PCDHGB1: variants seen among roughly 807,000 people sequenced by gnomAD.
PCDHGB1 encodes protocadherin gamma subfamily B, 1.
PCDHGB1 carries 34 observed loss-of-function variants against 56.6 expected under a neutral mutation model. The ratio of observed to expected loss-of-function variants is 0.60; its 90% confidence interval spans 0.46 to 0.80. The LOEUF (loss-of-function observed/expected upper bound fraction) is 0.80. PCDHGB1 is among the 30% of genes least tolerant of loss of function. The probability of loss-of-function intolerance (pLI) is 0.00; values close to 1 mark genes in which losing one functional copy is unlikely to be tolerated. For missense variants in PCDHGB1, 1,278 were observed against 1,204.6 expected (o/e 1.06, Z -0.90); for synonymous variants, 561 against 505.9 (o/e 1.11, Z -1.46).
chr5:141,388,407 A>G (rs2091351140), intron 1 of PCDHGB1: 6 of 1,613,878 alleles, frequency 3.7e-6, no homozygotes, highest in Middle Eastern at 3.3e-4. Flanking sequence ...ACTCAGTCCC[A>G]GTGATCATTT....
At chr5:141,361,575 C>T (rs1407406869) in intron 1 of PCDHGB1, 3 of 1,614,062 alleles carry the variant, frequency 1.9e-6, no homozygotes, top group Non-Finnish European at 8.5e-7. Context: ...CTGACCCTGA[C>T]TTGGGCCCCA....
rs552812176 is a variant in PCDHGB1, at chr5:141,497,407, A to G, written c.2468+2542A>G. Among the ~76,000 whole-genome samples, 43 of 152,204 alleles carry G rather than the reference A, an allele frequency of 2.8e-4. No individual in the cohort carries two copies. In the Middle Eastern group the frequency reaches 0.01, roughly 36 times the overall value. The stretch of plus-strand genomic sequence containing the variant: ...GCACCTTACCCCTGCCTCAACTCCC[A>G]TTCCATCAAATGAGAGGCTTAGTGG... On this transcript the variant is annotated intron_variant, in intron 2 of 3. Coordinates refer to ENST00000523390, the MANE Select transcript of PCDHGB1 (RefSeq NM_018922.3).
At chr5:141,414,802 G>C (rs201378410) in intron 1 of PCDHGB1, 3 of 1,614,108 alleles carry the variant, frequency 1.9e-6, no homozygotes, top group Admixed American at 3.3e-5. Flanking sequence ...CGACAGCGGG[G>C]ATCCTCCACT....
rs191053275 is a variant in PCDHGB1, at chr5:141,384,800, A to T, written c.2409+32131A>T. 1,106 of 1,613,428 alleles carry T rather than the reference A, an allele frequency of 6.9e-4. 2 individuals are homozygous for T. In the Middle Eastern group the frequency reaches 0.018, roughly 27 times the overall value. ...GTGCGCACGGCTCGGGCCCTGCTGGACAGAGATGCCCTCAAGCAGAGCCTC... is the reference window on the plus strand; with the variant it reads ...GTGCGCACGGCTCGGGCCCTGCTGGTCAGAGATGCCCTCAAGCAGAGCCTC... On this transcript the variant is annotated intron_variant, in intron 1 of 3. Transcript: ENST00000523390.
intron 1 of PCDHGB1, chr5:141,360,398 A>G (rs1171343282): frequency 2.5e-6 from 4 of 1,613,808 alleles, no homozygotes; most frequent in Non-Finnish European, 3.4e-6. Flanking sequence ...CTTGTGAGTG[A>G]CAGAATAGAC....
Position 141,485,870 on chromosome 5 carries a change from C to T in PCDHGB1, c.2410-8937C>T. The stretch of plus-strand genomic sequence containing the variant: ...CACCGCAGAGCTCCGGGTATCCGTG[C>T]TGGACGTAAACGACAACGCCCCAGC... On this transcript the variant is annotated intron_variant, in intron 1 of 3. Coordinates refer to ENST00000523390, the MANE Select transcript of PCDHGB1 (RefSeq NM_018922.3). This position sits in a 1 kb window ranked among gnomAD's most constrained non-coding sequence, Gnocchi z 5.7. 6.2e-7 allele frequency: 1 copy of T among 1,614,174 alleles called. No homozygotes were observed. The highest frequency in any genetic ancestry group is 8.5e-7 in the Non-Finnish European group (1 of 1,180,032).
rs980172909 is a variant in PCDHGB1, at chr5:141,485,917, G to A, written c.2410-8890G>A. On this transcript the variant is annotated intron_variant, in intron 1 of 3. Transcript: ENST00000523390. The surrounding 1 kb of genome is among the most constrained non-coding windows in gnomAD (Gnocchi z 5.7). ...CAGCCTTCCAGCAATCCAGCTACAGGATTAGTGTGTTGGAGAGCGCACCAG... is the reference window on the plus strand; with the variant it reads ...CAGCCTTCCAGCAATCCAGCTACAGAATTAGTGTGTTGGAGAGCGCACCAG... The A allele has an allele frequency of 2.6e-5, 42 of 1,614,078 alleles. No homozygotes were observed. Among genetic ancestry groups the A allele is most frequent in the Non-Finnish European group, 3.5e-5 (41 of 1,180,050 alleles).
chr5:141,469,881 G>A (rs922510082), intron 1 of PCDHGB1, among the ~76,000 whole-genome samples: 11 of 152,056 alleles, frequency 7.2e-5, no homozygotes, highest in Admixed American at 3.3e-4. Context: ...CTGTAATCTC[G>A]GCACTTTGGG....
Position 141,422,925 on chromosome 5 carries a change from T to G in PCDHGB1, c.2409+70256T>G, listed in dbSNP as rs568894245. On this transcript the variant is annotated intron_variant, in intron 1 of 3. Transcript: ENST00000523390. ...ACAATGCGCCCGAGATCCTGTACCC[T>G]GCCCTCCCCACAGACGGCTCCACTG... 1.9e-6 allele frequency: 3 copies of G among 1,614,202 alleles called. No individual in the cohort carries two copies. The Admixed American group carries it at 5.0e-5, about 27-fold the overall frequency.
chr5:141,371,232 G>C, intron 1 of PCDHGB1: 4 of 1,614,036 alleles, frequency 2.5e-6, no homozygotes, highest in Non-Finnish European at 3.4e-6. Flanking sequence ...AATCATCTAT[G>C]CCTTCATCAA....
chr5:141,380,910 A>G (rs1776848535), intron 1 of PCDHGB1, among the ~76,000 whole-genome samples: 1 of 152,262 alleles, frequency 6.6e-6, no homozygotes, highest in South Asian at 2.1e-4. Context: ...ACAAGTGCTT[A>G]CATTGTTTAA....
chr5:141,490,346 TG>T lies in PCDHGB1; in HGVS notation c.2410-4457del, dbSNP rs1458588422. ...GAGAGCACACCAGTGGGCACAGTAG[TG>T]GGGTTGTTTAATGTGCGAGACCGGG... On this transcript the variant is annotated intron_variant, in intron 1 of 3. Coordinates refer to ENST00000523390, the MANE Select transcript of PCDHGB1 (RefSeq NM_018922.3). The surrounding 1 kb of genome is among the most constrained non-coding windows in gnomAD (Gnocchi z 5.4). 1.2e-6 allele frequency: 2 copies of T among 1,614,164 alleles called. No individual in the cohort carries two copies. The highest frequency in any genetic ancestry group is 3.3e-5 in the Admixed American group (2 of 60,032).
intron 1 of PCDHGB1, among the ~76,000 whole-genome samples, chr5:141,353,155 A>G (rs1388612880): frequency 1.3e-5 from 2 of 152,052 alleles, no homozygotes; most frequent in African/African-American, 2.4e-5. Context: ...TTAATTTTCA[A>G]TCTTTACTGT....
chr5:141,366,222 C>T (rs760253419), intron 1 of PCDHGB1: 4 of 1,613,804 alleles, frequency 2.5e-6, no homozygotes, highest in Non-Finnish European at 3.4e-6. Context: ...ACAGCGCGAG[C>T]CCTGCTGGAC....
rs964965013 is a variant in PCDHGB1 at position 141,489,097 on chromosome 5, C to G, written c.2410-5710C>G. The G allele has an allele frequency of 6.4e-6, 2 of 313,448 alleles. No homozygotes were observed. The highest frequency in any genetic ancestry group is 1.1e-4 in the South Asian group (2 of 18,596). 19.4% of individuals were successfully genotyped at this position (313,448 alleles called of 1,614,324 possible). The stretch of plus-strand genomic sequence containing the variant: ...ACCCCCGCCACTCGGTGACTAAGAA[C>G]TGCTGCAAGCAGGCAAACCTCCGAG... On this transcript the variant is annotated intron_variant, in intron 1 of 3. Coordinates refer to ENST00000523390, the MANE Select transcript of PCDHGB1 (RefSeq NM_018922.3). This position sits in a 1 kb window ranked among gnomAD's most constrained non-coding sequence, Gnocchi z 4.5.
chr5:141,432,686 G>A lies in PCDHGB1; in HGVS notation c.2410-62121G>A. On this transcript the variant is annotated intron_variant, in intron 1 of 3. Transcript: ENST00000523390. The surrounding 1 kb of genome is among the most constrained non-coding windows in gnomAD (Gnocchi z 6.0). The stretch of plus-strand genomic sequence containing the variant: ...CAGAGACGCGCTCAAGCAGAGCCTC[G>A]TAGTGGCCGTCCAGGACCACGGCCA... 2 of 1,613,922 alleles carry A rather than the reference G, an allele frequency of 1.2e-6. No homozygotes were observed. The highest frequency in any genetic ancestry group is 1.7e-5 in the Admixed American group (1 of 60,020).
intron 1 of PCDHGB1, among the ~76,000 whole-genome samples, chr5:141,463,179 A>G (rs1261927835): frequency 6.6e-6 from 1 of 152,082 alleles, no homozygotes; most frequent in Non-Finnish European, 1.5e-5. Context: ...GTATGCTCAG[A>G]TTATTATTTA....
chr5:141,401,655 A>G (rs1011518295), intron 1 of PCDHGB1, among the ~76,000 whole-genome samples: 2 of 152,232 alleles, frequency 1.3e-5, no homozygotes, highest in South Asian at 2.1e-4. Context: ...AAATGACTGG[A>G]TGTTTTCTCA....
intron 3 of PCDHGB1, among the ~76,000 whole-genome samples, chr5:141,505,989 T>C (rs1275642739): frequency 6.6e-6 from 1 of 152,136 alleles, no homozygotes; most frequent in Non-Finnish European, 1.5e-5. Context: ...ACACCTCCTC[T>C]TTATGCGAGG....
Sources: gnomAD v4.1 joint callset for allele counts (sites outside exome capture counted in the v4.1 genomes callset) on GRCh38, gnomAD v4.1.1 for gene constraint, Gnocchi (gnomAD v3.1) non-coding constraint, MANE v1.5 for transcripts, NCBI Gene and HGNC (gene_info 2026-07-23, HGNC 2026-07-21) for gene names.